Variants in PIK3C2A observed in about 807,000 individuals in gnomAD.
The protein encoded by PIK3C2A is phosphatidylinositol-4-phosphate 3-kinase catalytic subunit type 2 alpha, also known as phosphatidylinositol 4-phosphate 3-kinase C2 domain-containing subunit alpha.
A neutral mutation model predicts 204.5 loss-of-function variants in PIK3C2A; 97 were observed. The ratio of observed to expected loss-of-function variants is 0.47; its 90% CI spans 0.40 to 0.56. The LOEUF (loss-of-function observed/expected upper bound fraction) is 0.56, where lower values mean the gene tolerates loss of function less well. Ranked by LOEUF, PIK3C2A falls within the 20% of genes least tolerant of loss-of-function variation. The probability of loss-of-function intolerance (pLI) is 0.00; values close to 1 mark genes in which losing one functional copy is unlikely to be tolerated. For synonymous variants in PIK3C2A, 653 were observed against 664.4 expected (o/e 0.98, Z 0.26); for missense variants, 1,735 against 1,969.2 (o/e 0.88, Z 2.25).
At chr11:17,172,195 T>C (rs537808610) in intron 1 of PIK3C2A, among the ~76,000 whole-genome samples, 50 of 152,336 alleles carry the variant, frequency 3.3e-4, no homozygotes, top group African/African-American at 1.2e-3. Context: ...GAGGGATCTA[T>C]TTCTTTACTC....
At position 17,136,629 on chromosome 11, in the gene PIK3C2A, TA is replaced by T. The variant is rs757495644; in HGVS notation, c.1705-5del. ...GATCTACTGCTCGGTGTTGGTTCTT[TA>T]AAAATAAAAAATAAAATAAAAATAG... On this transcript the variant is annotated splice_region_variant and splice_polypyrimidine_tract_variant and intron_variant, in intron 8 of 32. Transcript: ENST00000691414. 4.6e-6 allele frequency: 7 copies of T among 1,505,848 alleles called. No homozygotes were observed. The highest frequency in any genetic ancestry group is 6.3e-6 in the Non-Finnish European group (7 of 1,114,798). 93.3% of individuals were successfully genotyped at this position (1,505,848 alleles called of 1,614,324 possible). A position where few individuals can be genotyped will look rare whatever the true frequency, so the allele number is the denominator to read the frequency against.
chr11:17,206,731 T>C (rs1420840901), intron 1 of PIK3C2A, among the ~76,000 whole-genome samples: 1 of 152,186 alleles, frequency 6.6e-6, no homozygotes. Flanking sequence ...CAGCCTTCCC[T>C]CTTTCTACTA....
intron 23 of PIK3C2A, among the ~76,000 whole-genome samples, chr11:17,103,493 C>A (rs1848709896): frequency 6.6e-6 from 1 of 152,060 alleles, no homozygotes; most frequent in Admixed American, 6.6e-5. Context: ...ATTCACTTGG[C>A]CTGACTTGCC....
intron 1 of PIK3C2A, among the ~76,000 whole-genome samples, chr11:17,199,465 T>C (rs1852286004): frequency 6.6e-6 from 1 of 152,208 alleles, no homozygotes; most frequent in Admixed American, 6.5e-5. Context: ...AAATGCAGTA[T>C]CCATCAATGA....
At chr11:17,119,168 A>G (rs1849295387) in intron 17 of PIK3C2A, 52 bp downstream of exon 17, 2 of 1,052,070 alleles carry the variant, frequency 1.9e-6, no homozygotes, top group South Asian at 2.8e-5. Flanking sequence ...GCAAGTTCCC[A>G]TAAAAAACTA....
chr11:17,124,213 A>G (rs1240204484), intron 13 of PIK3C2A, among the ~76,000 whole-genome samples: 1 of 152,142 alleles, frequency 6.6e-6, no homozygotes, highest in African/African-American at 2.4e-5. Context: ...ACTAGACTTA[A>G]GGCAAATCCT....
chr11:17,151,846 T>C (rs1419565048), intron 3 of PIK3C2A, among the ~76,000 whole-genome samples: 1 of 152,190 alleles, frequency 6.6e-6, no homozygotes, highest in East Asian at 1.9e-4. Context: ...ATATTAAAAA[T>C]ATAATACACC....
intron 1 of PIK3C2A, among the ~76,000 whole-genome samples, chr11:17,189,367 C>A (rs957453014): frequency 6.8e-6 from 1 of 146,516 alleles, no homozygotes; most frequent in Non-Finnish European, 1.5e-5. Context: ...GTAATCCCAG[C>A]ACTATGGCAG....
At chr11:17,206,526 A>G (rs1283606379) in intron 1 of PIK3C2A, among the ~76,000 whole-genome samples, 1 of 151,860 alleles carries the variant, frequency 6.6e-6, no homozygotes, top group African/African-American at 2.4e-5. Context: ...AAAAAAAAAA[A>G]AGCACCATTC....
At chr11:17,110,370 G>T in intron 22 of PIK3C2A, 62 bp downstream of exon 22, 1 of 1,301,350 alleles carries the variant, frequency 7.7e-7, no homozygotes, top group Non-Finnish European at 1.1e-6. Context: ...TTTACGGCAG[G>T]TACACTTTAA....
At chr11:17,159,785 G>A (rs1211780474) in intron 2 of PIK3C2A, among the ~76,000 whole-genome samples, 2 of 152,234 alleles carry the variant, frequency 1.3e-5, no homozygotes, top group Non-Finnish European at 2.9e-5. Context: ...CTCCAGATCT[G>A]CAGCTGGCAA....
rs1323201516 is a variant in PIK3C2A at position 17,174,610 on chromosome 11, C to T, written c.-65-4804G>A. 2.1e-5 allele frequency among the ~76,000 whole-genome samples: 2 copies of T among 95,454 alleles called. 1 individual carries two copies. The highest frequency in any genetic ancestry group is 7.0e-4 in the South Asian group (2 of 2,872). The allele number at this position is 95,454 out of a possible 152,430, so 62.6% of individuals were successfully genotyped here. On this transcript the variant is annotated intron_variant, in intron 1 of 32. Coordinates refer to ENST00000691414, the MANE Select transcript of PIK3C2A (RefSeq NM_002645.4). The stretch of plus-strand genomic sequence containing the variant: ...CTCCGTCTCAAAAAAAAAAAAAAAA[C>T]AAAACAGCAGCCACGCAGTGGCTCA...
In PIK3C2A at chr11:17,117,607, G is replaced by A. The variant is rs1565252733; in HGVS notation, c.3100C>T (p.Leu1034Phe). The change falls in exon 19 of 33, where the codon CTC (leucine) becomes TTC (phenylalanine). Residue 1034 changes from leucine to phenylalanine, a missense_variant. By Grantham distance (22) the Leu-to-Phe change is conservative (BLOSUM62 0). This residue lies in a region of PIK3C2A where 567 missense variants were observed against 576.0 expected (regional missense o/e 0.98). Transcript: ENST00000691414. ...AGTCGTTTTCCTCCTACTGACAGGAGAGCACCCAAAACATGTTCGTATCGG... is the reference window on the plus strand; with the variant it reads ...AGTCGTTTTCCTCCTACTGACAGGAAAGCACCCAAAACATGTTCGTATCGG... The part of the protein sequence containing the change: ...STRYEHVLGA[L>F]LSVGGKRLRE... The A allele has an allele frequency of 6.2e-7, 1 of 1,612,470 alleles. No homozygotes were observed. The highest frequency in any genetic ancestry group is 8.5e-7 in the Non-Finnish European group (1 of 1,178,942).
rs1019121966 is a variant in PIK3C2A at position 17,179,953 on chromosome 11, A to G, written c.-65-10147T>C. ...TTCTATCATGAAAACAAGACAACAT[A>G]GAATTGCTTTGTAACCTCAGCATAA... On this transcript the variant is annotated intron_variant, in intron 1 of 32. Coordinates refer to ENST00000691414, the MANE Select transcript of PIK3C2A (RefSeq NM_002645.4). 5.9e-5 allele frequency among the ~76,000 whole-genome samples: 9 copies of G among 152,194 alleles called. 1 individual carries two copies. The highest frequency in any genetic ancestry group is 8.8e-5 in the Non-Finnish European group (6 of 68,038).
chr11:17,123,398 G>A (rs1200405594), intron 13 of PIK3C2A, among the ~76,000 whole-genome samples: 1 of 151,458 alleles, frequency 6.6e-6, no homozygotes, highest in Non-Finnish European at 1.5e-5. Flanking sequence ...ATAGGCACGT[G>A]GCACCATGCT....
At chr11:17,183,939 A>C (rs76968611) in intron 1 of PIK3C2A, among the ~76,000 whole-genome samples, 1 of 125,280 alleles carries the variant, frequency 8.0e-6, no homozygotes, top group Non-Finnish European at 1.6e-5. Context: ...AACCCTCTTT[A>C]AAAAAAAAAA....
intron 24 of PIK3C2A, among the ~76,000 whole-genome samples, chr11:17,101,734 G>A (rs1311542205): frequency 6.6e-6 from 1 of 151,426 alleles, no homozygotes; most frequent in Non-Finnish European, 1.5e-5. Context: ...CTCCCGAGTA[G>A]CCGGGACCAC....
Position 17,187,634 on chromosome 11 carries a change from A to G in PIK3C2A, c.-65-17828T>C, listed in dbSNP as rs552889953. 9.2e-5 allele frequency among the ~76,000 whole-genome samples: 14 copies of G among 152,316 alleles called. 1 individual carries two copies. In the East Asian group the frequency reaches 2.3e-3, roughly 25 times the overall value. The stretch of plus-strand genomic sequence containing the variant: ...AAAACTAAAAGAAAAGTAAGGAATT[A>G]TAAGTAACAAGGGTATATTATGCTT... On this transcript the variant is annotated intron_variant, in intron 1 of 32. Coordinates refer to ENST00000691414, the MANE Select transcript of PIK3C2A (RefSeq NM_002645.4).
At chr11:17,186,004 C>T (rs1455843025) in intron 1 of PIK3C2A, among the ~76,000 whole-genome samples, 2 of 152,278 alleles carry the variant, frequency 1.3e-5, no homozygotes, top group East Asian at 3.9e-4. Context: ...AATGGCCCAC[C>T]AGGCACACTA....
Sources: allele counts gnomAD v4.1 joint callset (sites outside exome capture counted in the v4.1 genomes callset), GRCh38; gene constraint gnomAD v4.1.1; regional missense constraint gnomAD v4.1.1; transcripts MANE v1.5; gene names NCBI Gene and HGNC (gene_info 2026-07-23, HGNC 2026-07-21).